The following SLC20A2 variants were observed in gnomAD, a reference collection of about 807,000 sequenced individuals.
SLC20A2 encodes the protein solute carrier family 20 member 2, also known as sodium-dependent phosphate transporter 2.
SLC20A2 carries 30 observed loss-of-function variants against 61.0 expected under a neutral mutation model. The ratio of observed to expected loss-of-function variants is 0.49; its 90% confidence interval spans 0.37 to 0.67. SLC20A2 has a LOEUF of 0.67. SLC20A2 is among the 30% of genes least tolerant of loss of function. The probability of loss-of-function intolerance (pLI) is 0.00; values close to 1 mark genes in which losing one functional copy is unlikely to be tolerated. For synonymous variants in SLC20A2, 351 were observed against 353.3 expected, an observed-to-expected ratio of 0.99 and a Z score of 0.07; for missense variants, 626 against 866.4, an observed-to-expected ratio of 0.72 and a Z score of 3.48.
chr8:42,431,571 A>G (rs543536359), intron 8 of SLC20A2, among the ~76,000 whole-genome samples: 2 of 152,370 alleles, frequency 1.3e-5, no homozygotes, highest in South Asian at 4.1e-4. Flanking sequence ...AGGTGGCTAC[A>G]CTAACAATAG....
chr8:42,461,576 A>G (rs1377537634), intron 4 of SLC20A2, among the ~76,000 whole-genome samples: 1 of 151,556 alleles, frequency 6.6e-6, no homozygotes, highest in Non-Finnish European at 1.5e-5. Context: ...TCCGCCTCCC[A>G]AGTAGCTGTG....
At chr8:42,465,567 T>TCTAC (rs1807088906) in intron 3 of SLC20A2, among the ~76,000 whole-genome samples, 3 of 151,462 alleles carry the variant, frequency 2.0e-5, no homozygotes, top group Non-Finnish European at 4.4e-5. Flanking sequence ...AGGAGGAGCC[T>TCTAC]GTAGTACCAG....
At chr8:42,444,602 A>G (rs950858729) in intron 6 of SLC20A2, 44 bp downstream of exon 6, 37 of 1,441,038 alleles carry the variant, frequency 2.6e-5, no homozygotes, top group Non-Finnish European at 3.6e-5. Flanking sequence ...GGTTTTGGGA[A>G]TCGGGAGCAT....
chr8:42,417,723 T>G lies in SLC20A2; in HGVS notation c.*80A>C. 1 of 1,483,612 alleles carries G rather than the reference T, an allele frequency of 6.7e-7. No individual in the cohort carries two copies. Among genetic ancestry groups the G allele is most frequent in the South Asian group, 1.2e-5 (1 of 86,588 alleles). The allele number at this position is 1,483,612 out of a possible 1,614,324, so 91.9% of individuals were successfully genotyped here. ...GAGCCGTGCACGGCCAGGATGTGTA[T>G]GTGCGGCACGAGCACACATGTCTCC... On this transcript the variant is annotated 3_prime_UTR_variant, in exon 11 of 11. Transcript: ENST00000520262.
chr8:42,420,221 T>C (rs902547203), intron 10 of SLC20A2, among the ~76,000 whole-genome samples: 2 of 152,158 alleles, frequency 1.3e-5, no homozygotes, highest in Non-Finnish European at 2.9e-5. Flanking sequence ...ATGTATTTTG[T>C]CCATTTACAT....
chr8:42,492,460 T>C (rs1246696486), intron 1 of SLC20A2, among the ~76,000 whole-genome samples: 1 of 152,154 alleles, frequency 6.6e-6, no homozygotes, highest in Non-Finnish European at 1.5e-5. Context: ...TCTCATATAA[T>C]TGCAGTAGAA....
At chr8:42,533,654 C>CTTTTTTTCTTTTTTTCTTTTTTTTT (rs1253260874) in intron 1 of SLC20A2, among the ~76,000 whole-genome samples, 2 of 55,310 alleles carry the variant, frequency 3.6e-5, no homozygotes, top group Non-Finnish European at 6.6e-5. Context: ...ATCAACTGTT[C>CTTTTTTTCTTTTTTTCTTTTTTTTT]TTTTTTTTTT....
chr8:42,430,450 C>A (rs1294185179), intron 8 of SLC20A2, among the ~76,000 whole-genome samples: 1 of 151,210 alleles, frequency 6.6e-6, no homozygotes, highest in South Asian at 2.1e-4. Context: ...GCAACCTCCA[C>A]CTCTCCGGTT....
intron 1 of SLC20A2, among the ~76,000 whole-genome samples, chr8:42,514,345 A>G (rs538742167): frequency 6.6e-6 from 1 of 152,332 alleles, no homozygotes; most frequent in African/African-American, 2.4e-5. Flanking sequence ...GAAGATTAGA[A>G]ACAGAGACTA....
intron 1 of SLC20A2, among the ~76,000 whole-genome samples, chr8:42,486,574 C>T (rs1034550364): frequency 6.6e-6 from 1 of 152,198 alleles, no homozygotes; most frequent in Non-Finnish European, 1.5e-5. Context: ...TTTGTCTTCA[C>T]TTTTGAAAGA....
chr8:42,441,058 CA>C (rs1293446890), intron 6 of SLC20A2, among the ~76,000 whole-genome samples: 1 of 151,966 alleles, frequency 6.6e-6, no homozygotes, highest in Non-Finnish European at 1.5e-5. Context: ...CTCAGCCTCC[CA>C]AAGTGTTGGG....
In SLC20A2 at chr8:42,417,694, G is replaced by A; in HGVS notation, c.*109C>T. ...GGAAGGGAGGCAGAGAGCTGGTCATGAGAGAGCCGTGCACGGCCAGGATGT... is the reference window on the plus strand; with the variant it reads ...GGAAGGGAGGCAGAGAGCTGGTCATAAGAGAGCCGTGCACGGCCAGGATGT... On this transcript the variant is annotated 3_prime_UTR_variant, in exon 11 of 11. Coordinates refer to ENST00000520262, the MANE Select transcript of SLC20A2 (RefSeq NM_001257180.2). 2 of 1,232,322 alleles carry A rather than the reference G, an allele frequency of 1.6e-6. No homozygotes were observed. Among genetic ancestry groups the A allele is most frequent in the East Asian group, 2.4e-5 (1 of 41,866 alleles). 76.3% of individuals were successfully genotyped at this position (1,232,322 alleles called of 1,614,324 possible).
intron 6 of SLC20A2, among the ~76,000 whole-genome samples, chr8:42,443,264 G>GTTTTTTATATATAT (rs1187147221): frequency 9.5e-6 from 1 of 105,480 alleles, no homozygotes; most frequent in African/African-American, 3.5e-5. Context: ...ATTATTATAG[G>GTTTTTTATATATAT]ATATATATAT....
intron 5 of SLC20A2, among the ~76,000 whole-genome samples, chr8:42,452,720 G>C (rs1009825950): frequency 6.6e-6 from 1 of 151,882 alleles, no homozygotes; most frequent in Non-Finnish European, 1.5e-5. Context: ...AGATGAAGAG[G>C]AGGAGGAGGG....
At chr8:42,447,899 G>A (rs1042132912) in intron 5 of SLC20A2, among the ~76,000 whole-genome samples, 4 of 152,098 alleles carry the variant, frequency 2.6e-5, no homozygotes, top group East Asian at 1.9e-4. Flanking sequence ...TCTGCCACGC[G>A]GCTGTACTGA....
chr8:42,461,202 A>C (rs569525167), intron 4 of SLC20A2, among the ~76,000 whole-genome samples: 1 of 152,298 alleles, frequency 6.6e-6, no homozygotes, highest in South Asian at 2.1e-4. Flanking sequence ...GGCAAACACC[A>C]AGATTAATGG....
At chr8:42,423,989 T>C (rs1385951099) in intron 10 of SLC20A2, among the ~76,000 whole-genome samples, 1 of 152,230 alleles carries the variant, frequency 6.6e-6, no homozygotes, top group Non-Finnish European at 1.5e-5. Context: ...GTTCCCTGTA[T>C]GCTGTTCCAA....
intron 10 of SLC20A2, among the ~76,000 whole-genome samples, chr8:42,425,610 A>C (rs1193598024): frequency 3.9e-5 from 6 of 152,218 alleles, no homozygotes; most frequent in Non-Finnish European, 8.8e-5. Flanking sequence ...ACGATCAATG[A>C]TATCGGACAA....
chr8:42,503,723 G>A (rs979637277), upstream of SLC20A2, among the ~76,000 whole-genome samples: 2 of 152,140 alleles, frequency 1.3e-5, no homozygotes, highest in Non-Finnish European at 2.9e-5. Context: ...CATTTCCAGT[G>A]CTCAGTACCC....
Sources: gnomAD v4.1 joint callset for allele counts (sites outside exome capture counted in the v4.1 genomes callset) on GRCh38, gnomAD v4.1.1 for gene constraint, MANE v1.5 for transcripts, NCBI Gene and HGNC (gene_info 2026-07-23, HGNC 2026-07-21) for gene names.